Variants in TKFC observed in about 807,000 individuals in gnomAD.
TKFC encodes the protein triokinase/FMN cyclase.
A neutral mutation model predicts 61.0 loss-of-function variants in TKFC; 46 were observed. That is an observed-to-expected ratio of 0.75 (90% confidence interval 0.60 to 0.96). The LOEUF (loss-of-function observed/expected upper bound fraction) is 0.96. Among genes scored for constraint, TKFC ranks in the 50% least tolerant of loss-of-function variants. The probability of loss-of-function intolerance (pLI) is 0.00; values close to 1 mark genes in which losing one functional copy is unlikely to be tolerated. For synonymous variants in TKFC, 314 were observed against 330.1 expected, an observed-to-expected ratio of 0.95 and a Z score of 0.53; for missense variants, 715 against 777.5, an observed-to-expected ratio of 0.92 and a Z score of 0.96.
rs899626925 is a variant in TKFC at position 61,333,273 on chromosome 11, C to A, written c.-166C>A. On this transcript the variant is annotated 5_prime_UTR_variant, in exon 1 of 18. Transcript: ENST00000394900. Reference sequence around the variant, plus strand: ...GATGAGAGCGCACGCTTCGGGGTCTCCGGGAAGTCGCGGCGCCTTCGGATG... The same window carrying A: ...GATGAGAGCGCACGCTTCGGGGTCTACGGGAAGTCGCGGCGCCTTCGGATG... 1 of 272,432 alleles carries A rather than the reference C, an allele frequency of 3.7e-6. No homozygotes were observed. Among genetic ancestry groups the A allele is most frequent in the Non-Finnish European group, 6.9e-6 (1 of 145,822 alleles). The allele number at this position is 272,432 out of a possible 1,614,324, so 16.9% of individuals were successfully genotyped here. A position where few individuals can be genotyped will look rare whatever the true frequency, so the allele number is the denominator to read the frequency against.
At chr11:61,344,007 G>A in intron 12 of TKFC, 32 bp downstream of exon 12, 1 of 1,607,628 alleles carries the variant, frequency 6.2e-7, no homozygotes. Context: ...GAAGGGACAG[G>A]CTTCCCAAAG....
intron 5 of TKFC, among the ~76,000 whole-genome samples, chr11:61,339,948 C>T (rs926698057): frequency 2.0e-5 from 3 of 152,020 alleles, no homozygotes; most frequent in African/African-American, 7.2e-5. Flanking sequence ...CCCTGACTCC[C>T]CACCTTCATC....
chr11:61,336,206 C>A (rs1205225869), intron 2 of TKFC: 1 of 154,498 alleles, frequency 6.5e-6, no homozygotes, highest in East Asian at 1.9e-4. Context: ...CCCTACAGAC[C>A]TAGGCTACTC....
chr11:61,341,415 T>C, intron 5 of TKFC, 21 bp from the exon 6 acceptor site: 1 of 1,551,944 alleles, frequency 6.4e-7, no homozygotes, highest in South Asian at 1.2e-5. Flanking sequence ...CCCTGGGGCT[T>C]TTACCTCTTT....
In TKFC at chr11:61,343,964, C is replaced by CTGCTGCAG. The variant is rs956702602; in HGVS notation, c.1092_1099dup (p.Gly367ValfsTer29). On this transcript the variant is annotated frameshift_variant, in exon 12 of 18. Transcript: ENST00000394900. LOFTEE classifies it high-confidence loss of function. ...GAGCCCCAGGAGGCCCCTGATTCCA[C>CTGCTGCAG]TGCTGCAGGAGGTACCAACCCCTGC... 2 of 1,611,310 alleles carry CTGCTGCAG rather than the reference C, an allele frequency of 1.2e-6. No individual in the cohort carries two copies. Among genetic ancestry groups the CTGCTGCAG allele is most frequent in the African/African-American group, 1.3e-5 (1 of 74,952 alleles).
chr11:61,339,145 A>C lies in TKFC; in HGVS notation c.273A>C (p.Ala91=). 6.2e-7 allele frequency: 1 copy of C among 1,613,840 alleles called. No individual in the cohort carries two copies. Among genetic ancestry groups the C allele is most frequent in the Non-Finnish European group, 8.5e-7 (1 of 1,180,004 alleles). The change falls in exon 4 of 18, where the codon GCA becomes GCC. Residue 91 remains alanine, a synonymous_variant. Coordinates refer to ENST00000394900, the MANE Select transcript of TKFC (RefSeq NM_015533.4). The part of the protein sequence containing the change: ...FTSPAVGSIL[A]AIRAVAQAGT... ...CCCCGGCAGTGGGCAGCATCCTGGC[A>C]GCCATCAGGGCCGTGGCCCAGGCCG... is the stretch of plus-strand genomic sequence containing the variant.
At chr11:61,341,200 C>T (rs925325971) in intron 5 of TKFC, among the ~76,000 whole-genome samples, 6 of 152,168 alleles carry the variant, frequency 3.9e-5, no homozygotes, top group African/African-American at 1.4e-4. Context: ...GGGTCCATTT[C>T]CCCATTTGTA....
downstream of TKFC, chr11:61,351,282 T>TTA: frequency 8.9e-5 from 73 of 818,240 alleles, no homozygotes; most frequent in Non-Finnish European, 1.1e-4. Context: ...TTAACACCCT[T>TTA]TCTTTTTTTT....
At position 61,347,154 on chromosome 11, in the gene TKFC, TTAA is replaced by T; in HGVS notation, c.*656_*658del. Reference sequence around the variant, plus strand: ...TAGAGGGGCTTTTCTTAGCATTGAATTAATAATTCAGTGGCTCCTCGGGAGTCG... The same window carrying T: ...TAGAGGGGCTTTTCTTAGCATTGAATTAATTCAGTGGCTCCTCGGGAGTCG... On this transcript the variant is annotated 3_prime_UTR_variant, in exon 18 of 18. Coordinates refer to ENST00000394900, the MANE Select transcript of TKFC (RefSeq NM_015533.4). 1.0e-6 allele frequency: 1 copy of T among 985,430 alleles called. No individual in the cohort carries two copies. The highest frequency in any genetic ancestry group is 1.2e-6 in the Non-Finnish European group (1 of 829,952). 61.0% of individuals were successfully genotyped at this position (985,430 alleles called of 1,614,324 possible).
At position 61,339,258 on chromosome 11, in the gene TKFC, G is replaced by A; in HGVS notation, c.309G>A (p.Gly103=). The A allele has an allele frequency of 1.9e-6, 3 of 1,612,948 alleles. No individual in the cohort carries two copies. The highest frequency in any genetic ancestry group is 1.7e-6 in the Non-Finnish European group (2 of 1,179,416). The part of the protein sequence containing the change: ...IRAVAQAGTV[G]TLLIVKNYTG... ...CCCTTCCGGCTGCTCCCGCAGTGGG[G>A]ACGCTCCTTATCGTGAAGAACTACA... is the stretch of plus-strand genomic sequence containing the variant. The change falls in exon 5 of 18, where the codon GGG becomes GGA. Residue 103 remains glycine (G), a synonymous_variant. Transcript: ENST00000394900.
At chr11:61,349,679 C>G (rs1212016870), downstream of TKFC, 8 of 702,268 alleles carry the variant, frequency 1.1e-5, no homozygotes, top group Admixed American at 6.0e-5. Flanking sequence ...ACAATACATG[C>G]AGACACAGAG....
downstream of TKFC, chr11:61,351,256 T>C (rs1014607086): frequency 7.6e-5 from 90 of 1,187,606 alleles, no homozygotes; most frequent in African/African-American, 1.2e-3. Flanking sequence ...CCCGGGTCCA[T>C]ATGTGATCTA....
At chr11:61,343,236 C>A in intron 10 of TKFC, 106 bp from the exon 11 acceptor site, 1 of 1,021,600 alleles carries the variant, frequency 9.8e-7, no homozygotes, top group Non-Finnish European at 1.5e-6. Flanking sequence ...CAGGACATCT[C>A]CCTCCCGACC....
intron 15 of TKFC, 38 bp from the exon 16 acceptor site, chr11:61,345,674 C>T (rs1263470709): frequency 1.2e-6 from 2 of 1,614,140 alleles, no homozygotes; most frequent in Non-Finnish European, 1.7e-6. Context: ...TCCCTTGGTT[C>T]CCTATAGTGA....
At chr11:61,349,528 G>A (rs961560585), downstream of TKFC, 2 of 702,720 alleles carry the variant, frequency 2.8e-6, no homozygotes, top group Non-Finnish European at 5.2e-6. Flanking sequence ...GGGACATCTG[G>A]GGACAGGCTC....
At chr11:61,343,487 G>A (rs1856966693) in intron 11 of TKFC, 29 bp downstream of exon 11, 4 of 1,598,942 alleles carry the variant, frequency 2.5e-6, no homozygotes, top group African/African-American at 1.3e-5. Context: ...GGTCACCCAA[G>A]CCAGGGCTCC....
Position 61,339,169 on chromosome 11 carries a change from C to G in TKFC, c.297C>G (p.Ala99=). The G allele has an allele frequency of 6.2e-7, 1 of 1,613,576 alleles. No individual in the cohort carries two copies. ...ILAAIRAVAQ[A]GTVGTLLIVK... ...CAGCCATCAGGGCCGTGGCCCAGGC[C>G]GGCACAGGTAAGCCTGGCATGCAGG... Residue 99 remains alanine, a synonymous_variant, in exon 4 of 18, where the codon GCC becomes GCG. Transcript: ENST00000394900.
chr11:61,342,073 C>T (rs1396802722), intron 7 of TKFC, among the ~76,000 whole-genome samples, 161 bp downstream of exon 7: 1 of 152,202 alleles, frequency 6.6e-6, no homozygotes, highest in Non-Finnish European at 1.5e-5. Flanking sequence ...TGCCTGATTT[C>T]TACCTGCTTT....
chr11:61,345,538 T>G lies in TKFC; in HGVS notation c.1424T>G (p.Met475Arg). Reference protein sequence around the residue: ...KTSLPAWSAAMDAGLEAMQKY... With the variant: ...KTSLPAWSAARDAGLEAMQKY... The stretch of plus-strand genomic sequence containing the variant: ...AGCCTCCCAGCCTGGTCTGCTGCCA[T>G]GGATGCCGGCCTGGAAGCCATGCAG... Residue 475 changes from methionine to arginine, a missense_variant, in exon 15 of 18, where the codon ATG becomes AGG. Transcript: ENST00000394900. 1 of 1,613,314 alleles carries G rather than the reference T, an allele frequency of 6.2e-7. No individual in the cohort carries two copies. Among genetic ancestry groups the G allele is most frequent in the Non-Finnish European group, 8.5e-7 (1 of 1,180,020 alleles).
Sources: allele counts gnomAD v4.1 joint callset (sites outside exome capture counted in the v4.1 genomes callset), GRCh38; gene constraint gnomAD v4.1.1; transcripts MANE v1.5; gene names NCBI Gene and HGNC (gene_info 2026-07-23, HGNC 2026-07-21).